DUOX2: variants seen among roughly 807,000 people sequenced by gnomAD.
The protein encoded by DUOX2 is NADH/NADPH thyroid oxidase p138-tox.
In DUOX2, 185 loss-of-function variants were observed where a neutral mutation model predicts 183.3. The ratio of observed to expected loss-of-function variants is 1.01; its 90% CI spans 0.90 to 1.14. DUOX2 has a LOEUF of 1.14. DUOX2 is among the 50% of genes most tolerant of loss of function. DUOX2 has a pLI of 0.00. For missense variants in DUOX2, 1,999 were observed against 2,022.9 expected, an observed-to-expected ratio of 0.99 and a Z score of 0.23; for synonymous variants, 788 against 812.4, an observed-to-expected ratio of 0.97 and a Z score of 0.51.
At chr15:45,107,009 C>G (rs761199099) in intron 14 of DUOX2, 40 bp from the exon 15 acceptor site, 2 of 1,559,560 alleles carry the variant, frequency 1.3e-6, no homozygotes, top group Non-Finnish European at 1.7e-6. Flanking sequence ...GTCTGAGGAT[C>G]CCGCTATGTG....
chr15:45,104,716 G>A (rs1396691901), intron 18 of DUOX2, among the ~76,000 whole-genome samples: 1 of 152,222 alleles, frequency 6.6e-6, no homozygotes, highest in African/African-American at 2.4e-5. Flanking sequence ...AGGCAGGAAG[G>A]GGCTGGGGCT....
chr15:45,097,849 G>T, intron 27 of DUOX2, 108 bp from the exon 28 acceptor site: 2 of 1,593,708 alleles, frequency 1.3e-6, no homozygotes, highest in East Asian at 2.2e-5. Flanking sequence ...TCATCCCTCC[G>T]GGGCCCCCAG....
At chr15:45,104,813 A>ATTTATTGTT (rs1000026180) in intron 18 of DUOX2, among the ~76,000 whole-genome samples, 1 of 151,984 alleles carries the variant, frequency 6.6e-6, no homozygotes, top group African/African-American at 2.4e-5. Flanking sequence ...TGTAACAACC[A>ATTTATTGTT]TTTATTGTTT....
In DUOX2 at chr15:45,105,669, T is replaced by G; in HGVS notation, c.2308A>C (p.Ile770Leu). The G allele has an allele frequency of 6.2e-7, 1 of 1,614,210 alleles. No individual in the cohort carries two copies. Among genetic ancestry groups the G allele is most frequent in the Non-Finnish European group, 8.5e-7 (1 of 1,180,050 alleles). ...TGAGCAAAAAGGTGTCTGAAGAAGA[T>G]CTCCAGGATGCGTTCCCGCTGCTGC... is the stretch of plus-strand genomic sequence containing the variant. ...TKQQRERILE[I>L]FFRHLFAQVL... The change falls in exon 18 of 34, where the codon ATC becomes CTC. Residue 770 changes from isoleucine to leucine, a missense_variant. Ile to Leu is a conservative substitution (Grantham distance 5). Transcript: ENST00000389039.
At chr15:45,099,949 T>C in intron 24 of DUOX2, 57 bp from the exon 25 acceptor site, 1 of 1,612,084 alleles carries the variant, frequency 6.2e-7, no homozygotes, top group South Asian at 1.1e-5. Flanking sequence ...TCCCGAGCCC[T>C]GGGCTCTCCC....
rs1566978201 is a variant in DUOX2 at position 45,111,496 on chromosome 15, T to A, written c.603A>T (p.Gly201=). The A allele has an allele frequency of 2.6e-5, 40 of 1,549,722 alleles. No individual in the cohort carries two copies. Among genetic ancestry groups the A allele is most frequent in the Middle Eastern group, 4.6e-4 (2 of 4,384 alleles). The change falls in exon 6 of 34, where the codon GGA becomes GGT. Residue 201 remains glycine (G), a synonymous_variant. Transcript: ENST00000389039. ...WSDALRSFSG[G]QLASGPDPAF... The stretch of plus-strand genomic sequence containing the variant: ...CGGGGTCGGGCCCCGACGCCAGCTG[T>A]CCCCCCGAGAAGCTCCGCAGCGCGT...
chr15:45,095,147 C>A, intron 31 of DUOX2, 56 bp from the exon 32 acceptor site: 16 of 1,577,166 alleles, frequency 1.0e-5, no homozygotes, highest in East Asian at 2.3e-5. Context: ...CCCTAGATCC[C>A]AGGTGCCTTC....
intron 11 of DUOX2, 44 bp downstream of exon 11, chr15:45,109,480 C>A (rs776356192): frequency 6.3e-7 from 1 of 1,584,502 alleles, no homozygotes; most frequent in Non-Finnish European, 8.7e-7. Context: ...GATCCTCAGG[C>A]TTCCTGGTCC....
rs753779362 is a variant in DUOX2, at chr15:45,109,974, G to A, written c.1047C>T (p.Ala349=). ...MVPPGVYMRN[A]SCHFRKVLNK... ...TCAGGACCTTCCGGAAATGACAGCT[G>A]GCATTTCTGAAATTGAGAACAAAGG... Residue 349 remains alanine (A), a synonymous_variant, in exon 10 of 34, where the codon GCC becomes GCT. Transcript: ENST00000389039. 1.7e-5 allele frequency: 28 copies of A among 1,614,042 alleles called. 1 individual carries two copies. The South Asian group carries it at 2.6e-4, about 15-fold the overall frequency.
chr15:45,097,522 T>C (rs1201039359), intron 28 of DUOX2, 92 bp downstream of exon 28: 7 of 1,611,876 alleles, frequency 4.3e-6, no homozygotes, highest in Non-Finnish European at 5.9e-6. Context: ...CAAAGTCTCA[T>C]TCTGAGATCT....
At chr15:45,113,652 C>A (rs1394986895) in intron 1 of DUOX2, among the ~76,000 whole-genome samples, 1 of 152,146 alleles carries the variant, frequency 6.6e-6, no homozygotes, top group Non-Finnish European at 1.5e-5. Flanking sequence ...CCATCCGCCA[C>A]CCCATCAGAG....
At chr15:45,101,114 T>C in intron 22 of DUOX2, 91 bp downstream of exon 22, 2 of 1,216,084 alleles carry the variant, frequency 1.6e-6, no homozygotes, top group South Asian at 1.3e-5. Context: ...ATGCCTGATT[T>C]TACCAGGGGC....
rs533037683 is a variant in DUOX2 at position 45,111,599 on chromosome 15, G to T, written c.514-14C>A. Reference sequence around the variant, plus strand: ...CACCTGGTTGGCCTGCGGGGCACGCGGCGGGTGAGCCCGGGTCGAGAGGCG... The same window carrying T: ...CACCTGGTTGGCCTGCGGGGCACGCTGCGGGTGAGCCCGGGTCGAGAGGCG... On this transcript the variant is annotated splice_polypyrimidine_tract_variant and intron_variant, in intron 5 of 33. Transcript: ENST00000389039. 1 of 1,526,616 alleles carries T rather than the reference G, an allele frequency of 6.6e-7. No individual in the cohort carries two copies. The highest frequency in any genetic ancestry group is 8.8e-7 in the Non-Finnish European group (1 of 1,142,558). The allele number at this position is 1,526,616 out of a possible 1,614,324, so 94.6% of individuals were successfully genotyped here.
At chr15:45,111,724 C>T (rs775972778) in intron 5 of DUOX2, 44 bp downstream of exon 5, 12 of 1,496,492 alleles carry the variant, frequency 8.0e-6, no homozygotes, top group African/African-American at 2.8e-5. Context: ...CCAGGCCCCA[C>T]CTGGCTGGGG....
chr15:45,113,185 AC>A, intron 2 of DUOX2, 109 bp from the exon 3 acceptor site: 1 of 1,454,646 alleles, frequency 6.9e-7, no homozygotes, highest in Non-Finnish European at 9.4e-7. Flanking sequence ...CCCTAACCGG[AC>A]CCAAGTGTCG....
At chr15:45,104,820 G>A (rs910839821) in intron 18 of DUOX2, among the ~76,000 whole-genome samples, 1 of 152,050 alleles carries the variant, frequency 6.6e-6, no homozygotes, top group Admixed American at 6.6e-5. Flanking sequence ...ACCATTTATT[G>A]TTTTTTGTTT....
chr15:45,101,334 G>GCAC, intron 21 of DUOX2, 60 bp from the exon 22 acceptor site: 2 of 1,429,728 alleles, frequency 1.4e-6, no homozygotes, highest in Non-Finnish European at 2.0e-6. Flanking sequence ...GGTAGGATGG[G>GCAC]AGACTGTGCC....
chr15:45,112,882 G>T, intron 3 of DUOX2, 105 bp downstream of exon 3: 1 of 1,542,770 alleles, frequency 6.5e-7, no homozygotes. Context: ...TGTAGGCAGC[G>T]GAGCTGCTGG....
intron 20 of DUOX2, 63 bp downstream of exon 20, chr15:45,103,897 G>A (rs1894144994): frequency 6.4e-7 from 1 of 1,567,804 alleles, no homozygotes; most frequent in Non-Finnish European, 8.8e-7. Context: ...TCCTCTGACT[G>A]GACCTGTTTT....
Sources: allele counts gnomAD v4.1 joint callset (sites outside exome capture counted in the v4.1 genomes callset), GRCh38; gene constraint gnomAD v4.1.1; transcripts MANE v1.5; gene names NCBI Gene and HGNC (gene_info 2026-07-23, HGNC 2026-07-21).